The following MACROD2 variants were observed in gnomAD, a reference collection of about 807,000 sequenced individuals.
MACROD2 encodes ADP-ribose glycohydrolase MACROD2.
In MACROD2, 36 loss-of-function variants were observed where a neutral mutation model predicts 70.4. The observed-to-expected ratio is 0.51, with a 90% CI of 0.39 to 0.68. The LOEUF (loss-of-function observed/expected upper bound fraction) is 0.68. MACROD2 is among the 30% of genes least tolerant of loss of function. The probability of loss-of-function intolerance (pLI) is 0.00; values close to 1 mark genes in which losing one functional copy is unlikely to be tolerated. For synonymous variants in MACROD2, 172 were observed against 178.8 expected (o/e 0.96, Z 0.30); for missense variants, 496 against 538.4 (o/e 0.92, Z 0.78).
chr20:14,559,466 A>G (rs761065442), intron 4 of MACROD2, among the ~76,000 whole-genome samples: 1 of 151,748 alleles, frequency 6.6e-6, no homozygotes, highest in Non-Finnish European at 1.5e-5. Context: ...TAGTAGACCT[A>G]CTAACTTTAT....
intron 7 of MACROD2, among the ~76,000 whole-genome samples, chr20:15,435,560 G>A (rs1039041406): frequency 3.3e-5 from 5 of 152,098 alleles, no homozygotes; most frequent in Admixed American, 6.6e-5. Flanking sequence ...GTTTGGTATT[G>A]CCAGTCTCTA....
At chr20:14,549,298 C>A (rs971885295) in intron 4 of MACROD2, among the ~76,000 whole-genome samples, 3 of 151,904 alleles carry the variant, frequency 2.0e-5, no homozygotes, top group Non-Finnish European at 4.4e-5. Flanking sequence ...TTCTTTGACC[C>A]CTTTAACTGT....
chr20:15,736,693 G>A (rs1229368081), intron 8 of MACROD2, among the ~76,000 whole-genome samples: 1 of 152,158 alleles, frequency 6.6e-6, no homozygotes, highest in East Asian at 1.9e-4. Flanking sequence ...TGCAGGTTCT[G>A]CATGTGTGGA....
intron 17 of MACROD2, among the ~76,000 whole-genome samples, chr20:16,049,100 GA>G (rs1030619441): frequency 2.6e-5 from 4 of 151,998 alleles, no homozygotes; most frequent in African/African-American, 9.7e-5. Context: ...TCCTAGGGCA[GA>G]AAAAAACTAA....
intron 8 of MACROD2, among the ~76,000 whole-genome samples, chr20:15,734,913 C>T (rs1328135920): frequency 6.6e-6 from 1 of 152,114 alleles, no homozygotes; most frequent in East Asian, 1.9e-4. Flanking sequence ...ATTGTAACAA[C>T]AGTAAAAATG....
chr20:14,333,636 T>A (rs2082883013), intron 3 of MACROD2, among the ~76,000 whole-genome samples: 1 of 152,188 alleles, frequency 6.6e-6, no homozygotes, highest in Non-Finnish European at 1.5e-5. Flanking sequence ...TTTTTAACAG[T>A]GTGGGTACAA....
In MACROD2 at chr20:14,188,580, T is replaced by C. The variant is rs185557090; in HGVS notation, c.271+102852T>C. Among the ~76,000 whole-genome samples, 283 of 152,282 alleles carry C rather than the reference T, an allele frequency of 1.9e-3. 3 individuals are homozygous for C. Among genetic ancestry groups the C allele is most frequent in the Admixed American group, 9.8e-4 (15 of 15,294 alleles). ...AAACAAATTTTCTTTGAAAGTGATA[T>C]CTAAATTTTTTCAGTTTCCCCACAT... is the stretch of plus-strand genomic sequence containing the variant. On this transcript the variant is annotated intron_variant, in intron 3 of 17. Transcript: ENST00000684519.
chr20:15,422,611 A>G (rs1353709702), intron 6 of MACROD2, among the ~76,000 whole-genome samples: 1 of 152,224 alleles, frequency 6.6e-6, no homozygotes, highest in African/African-American at 2.4e-5. Flanking sequence ...CCCAGTGCTC[A>G]GCACATTTCG....
intron 5 of MACROD2, among the ~76,000 whole-genome samples, chr20:14,727,038 T>C (rs2071538707): frequency 6.6e-6 from 1 of 152,196 alleles, no homozygotes; most frequent in Non-Finnish European, 1.5e-5. Context: ...GTGACTAATT[T>C]TTTATACAGT....
chr20:14,941,314 C>T (rs1422900160), intron 5 of MACROD2, among the ~76,000 whole-genome samples: 1 of 151,820 alleles, frequency 6.6e-6, no homozygotes, highest in Admixed American at 6.6e-5. Flanking sequence ...GTTGGTAGTC[C>T]TGCCTCACCT....
At chr20:14,470,784 C>T (rs557032207) in intron 3 of MACROD2, among the ~76,000 whole-genome samples, 3 of 152,104 alleles carry the variant, frequency 2.0e-5, no homozygotes, top group East Asian at 1.9e-4. Flanking sequence ...CCACCAAGCT[C>T]GAGCATCCCA....
chr20:15,933,334 T>C lies in MACROD2; in HGVS notation c.834T>C (p.Asp278=). The change falls in exon 11 of 18, where the codon GAT becomes GAC. Residue 278 remains aspartate (D), a synonymous_variant. Coordinates refer to ENST00000684519, the MANE Select transcript of MACROD2 (RefSeq NM_001351661.2). The stretch of plus-strand genomic sequence containing the variant: ...AAGAAATGGAAGAGCAGAGCCAAGA[T>C]GCAGGTAGGCTCAGATTTCTTTTGA... ...SVEEMEEQSQ[D]ADGVNTVTVP... is the part of the protein sequence containing the mutation. 2 of 1,613,184 alleles carry C rather than the reference T, an allele frequency of 1.2e-6. No homozygotes were observed. Among genetic ancestry groups the C allele is most frequent in the Non-Finnish European group, 1.7e-6 (2 of 1,179,436 alleles).
At chr20:14,703,868 T>G (rs556096727) in intron 5 of MACROD2, among the ~76,000 whole-genome samples, 1 of 151,862 alleles carries the variant, frequency 6.6e-6, no homozygotes, top group South Asian at 2.1e-4. Context: ...CTGGGACTAC[T>G]GGCGCACACT....
At chr20:14,840,313 C>T (rs2073074195) in intron 5 of MACROD2, among the ~76,000 whole-genome samples, 1 of 152,176 alleles carries the variant, frequency 6.6e-6, no homozygotes, top group Non-Finnish European at 1.5e-5. Context: ...GCTGGGATTA[C>T]AAGCGTGAGC....
Position 15,667,011 on chromosome 20 carries a change from A to T in MACROD2, c.645+167164A>T, listed in dbSNP as rs6135479. ...TTTTGTTTTCTTTTTCTATCTATCT[A>T]TCAATTTACTGATCTATCAATCTAT... On this transcript the variant is annotated intron_variant, in intron 8 of 17. Transcript: ENST00000684519. 8.4e-3 allele frequency among the ~76,000 whole-genome samples: 1,284 copies of T among 152,236 alleles called. 70 individuals are homozygous for T. The East Asian group carries it at 0.15, about 18-fold the overall frequency.
chr20:14,921,204 C>T (rs2074158519), intron 5 of MACROD2, among the ~76,000 whole-genome samples: 1 of 152,064 alleles, frequency 6.6e-6, no homozygotes, highest in Non-Finnish European at 1.5e-5. Flanking sequence ...GCAGTTATTT[C>T]CCATGACATT....
chr20:15,609,592 TG>T (rs34995924), intron 8 of MACROD2, among the ~76,000 whole-genome samples: 6,678 of 152,140 alleles, frequency 0.044, 280 homozygotes, highest in African/African-American at 0.11. Flanking sequence ...CCCATGTGAG[TG>T]GAAGGTGATC....
intron 5 of MACROD2, among the ~76,000 whole-genome samples, chr20:14,692,346 T>C (rs1413080072): frequency 6.6e-6 from 1 of 152,214 alleles, no homozygotes; most frequent in Non-Finnish European, 1.5e-5. Flanking sequence ...TAGGGCTTTT[T>C]TTGAAGAGAA....
chr20:14,542,393 G>T (rs1215707838), intron 4 of MACROD2, among the ~76,000 whole-genome samples: 1 of 152,038 alleles, frequency 6.6e-6, no homozygotes, highest in African/African-American at 2.4e-5. Flanking sequence ...TAAATATTTT[G>T]GATTAGAGAA....
Sources: allele counts gnomAD v4.1 joint callset (sites outside exome capture counted in the v4.1 genomes callset), GRCh38; gene constraint gnomAD v4.1.1; transcripts MANE v1.5; gene names NCBI Gene and HGNC (gene_info 2026-07-23, HGNC 2026-07-21).